The following ZBTB17 variants were observed in gnomAD, a reference collection of about 807,000 sequenced individuals.
ZBTB17 encodes the protein zinc finger and BTB domain containing 17, also known as zinc finger and BTB domain-containing protein 17.
In ZBTB17, 24 loss-of-function variants were observed where a neutral mutation model predicts 85.1. The ratio of observed to expected loss-of-function variants is 0.28; its 90% CI spans 0.20 to 0.40. The LOEUF (loss-of-function observed/expected upper bound fraction) is 0.40, where lower values mean the gene tolerates loss of function less well. Ranked by LOEUF, ZBTB17 falls within the 10% of genes least tolerant of loss-of-function variation. The pLI is 1.00. For missense variants in ZBTB17, 743 were observed against 1,105.1 expected, an observed-to-expected ratio of 0.67 and a Z score of 4.65; for synonymous variants, 464 against 460.2, an observed-to-expected ratio of 1.01 and a Z score of -0.11.
chr1:15,963,798 T>A (rs1239085781), intron 2 of ZBTB17, among the ~76,000 whole-genome samples: 2 of 152,114 alleles, frequency 1.3e-5, no homozygotes, highest in African/African-American at 4.8e-5. Flanking sequence ...AATGCTGAAC[T>A]AATGATGCTC....
intron 2 of ZBTB17, among the ~76,000 whole-genome samples, chr1:15,950,020 G>A (rs986267239): frequency 6.6e-6 from 1 of 152,228 alleles, no homozygotes; most frequent in African/African-American, 2.4e-5. Flanking sequence ...ACACATCCCC[G>A]CGCAGGCTTT....
At position 15,947,050 on chromosome 1, in the gene ZBTB17, C is replaced by G. The variant is rs2071639388; in HGVS notation, c.279G>C (p.Leu93=). 1.2e-6 allele frequency: 2 copies of G among 1,613,986 alleles called. No homozygotes were observed. The highest frequency in any genetic ancestry group is 1.7e-6 in the Non-Finnish European group (2 of 1,180,030). ...GCATTTGGAGGAAAGTGGCCACGGCCAGCACATCATCCACGTTCTCAGGGC... is the reference window on the plus strand; with the variant it reads ...GCATTTGGAGGAAAGTGGCCACGGCGAGCACATCATCCACGTTCTCAGGGC... ...SLSPENVDDV[L]AVATFLQMQD... is the part of the protein sequence containing the mutation. The change falls in exon 4 of 16, where the codon CTG becomes CTC. Residue 93 remains leucine, a synonymous_variant. Coordinates refer to ENST00000375743, the MANE Select transcript of ZBTB17 (RefSeq NM_003443.3).
chr1:15,946,378 T>A lies in ZBTB17; in HGVS notation c.395-84A>T, dbSNP rs2071614697. On this transcript the variant is annotated intron_variant, in intron 4 of 15. Transcript: ENST00000375743. ...GTGAGGTGGCCCAGAACTTGCTAGG[T>A]CTTCCTCGTCCTCCCTAGGGTACCT... 3 of 1,552,840 alleles carry A rather than the reference T, an allele frequency of 1.9e-6. No homozygotes were observed. The South Asian group carries it at 3.6e-5, about 19-fold the overall frequency.
rs890282146 is a variant in ZBTB17 at position 15,944,259 on chromosome 1, C to T, written c.1371+41G>A. The T allele has an allele frequency of 9.1e-6, 14 of 1,546,904 alleles. No individual in the cohort carries two copies. The African/African-American group carries it at 1.8e-4, about 20-fold the overall frequency. On this transcript the variant is annotated intron_variant, in intron 9 of 15. Transcript: ENST00000375743. ...GTGGCATGCATGCGGCTGCGGCCACCGGCGGCTGCCAGGCGCTGGTTCCGG... is the reference window on the plus strand; with the variant it reads ...GTGGCATGCATGCGGCTGCGGCCACTGGCGGCTGCCAGGCGCTGGTTCCGG...
chr1:15,944,182 A>G, intron 9 of ZBTB17, 118 bp downstream of exon 9: 9 of 1,388,618 alleles, frequency 6.5e-6, no homozygotes, highest in Non-Finnish European at 8.8e-6. Flanking sequence ...CTGGGTGAAC[A>G]AGCTGATGAG....
At chr1:15,949,142 C>T (rs1177440402) in intron 2 of ZBTB17, among the ~76,000 whole-genome samples, 1 of 152,142 alleles carries the variant, frequency 6.6e-6, no homozygotes, top group Non-Finnish European at 1.5e-5. Context: ...AACCTGTGTC[C>T]TGGTGGCCAT....
intron 2 of ZBTB17, among the ~76,000 whole-genome samples, chr1:15,948,879 C>A (rs536569135): frequency 6.6e-6 from 1 of 152,316 alleles, no homozygotes; most frequent in Admixed American, 6.5e-5. Flanking sequence ...ACATTTGTTA[C>A]AAAAAGAATG....
intron 2 of ZBTB17, among the ~76,000 whole-genome samples, chr1:15,961,204 A>G (rs2148797840): frequency 6.6e-6 from 1 of 152,376 alleles, no homozygotes; most frequent in South Asian, 2.1e-4. Context: ...TAACAGATAC[A>G]GTGTGACAAT....
intron 2 of ZBTB17, among the ~76,000 whole-genome samples, chr1:15,967,023 G>A (rs1557795103): frequency 6.6e-6 from 1 of 151,958 alleles, no homozygotes. Context: ...TGTATTTGGA[G>A]TTTTTTGTTT....
At chr1:15,943,334 G>C in intron 12 of ZBTB17, 65 bp downstream of exon 12, 1 of 1,582,430 alleles carries the variant, frequency 6.3e-7, no homozygotes, top group Admixed American at 1.7e-5. Flanking sequence ...CAAGCCCCCA[G>C]TTTGTCTTCT....
intron 2 of ZBTB17, among the ~76,000 whole-genome samples, chr1:15,956,413 C>T (rs536571974): frequency 9.1e-4 from 139 of 152,318 alleles, no homozygotes; most frequent in African/African-American, 3.2e-3. Context: ...TTGAGAATGA[C>T]TAACACAATG....
At chr1:15,950,662 C>T (rs943294321) in intron 2 of ZBTB17, among the ~76,000 whole-genome samples, 2 of 152,176 alleles carry the variant, frequency 1.3e-5, no homozygotes, top group Admixed American at 6.5e-5. Flanking sequence ...CTCACCTTCC[C>T]CAGGAGCCAA....
chr1:15,950,391 G>A (rs1402798150), intron 2 of ZBTB17, among the ~76,000 whole-genome samples: 1 of 152,248 alleles, frequency 6.6e-6, no homozygotes, highest in Non-Finnish European at 1.5e-5. Context: ...AAAGGCAGGG[G>A]CGAGGTGGGC....
rs2071537138 is a variant in ZBTB17, at chr1:15,945,039, G to A, written c.825C>T (p.Asp275=). 1.2e-6 allele frequency: 2 copies of A among 1,609,276 alleles called. No individual in the cohort carries two copies. Among genetic ancestry groups the A allele is most frequent in the Admixed American group, 3.4e-5 (2 of 59,610 alleles). Residue 275 remains aspartate (D), a synonymous_variant, in exon 7 of 16, where the codon GAC becomes GAT. Transcript: ENST00000375743. ...ENENEESAGT[D]SGQELGSEAR... ...CCTCGGAGCCGAGCTCCTGCCCCGA[G>A]TCTGTGCCCGCTGACTCCTCATTCT...
rs373087442 is a variant in ZBTB17 at position 15,945,812 on chromosome 1, C to T, written c.564G>A (p.Ala188=). The T allele has an allele frequency of 3.4e-5, 55 of 1,601,608 alleles. No individual in the cohort carries two copies. Among genetic ancestry groups the T allele is most frequent in the Non-Finnish European group, 4.4e-5 (52 of 1,178,354 alleles). ...SGAEQTEKAD[A]PREPPPVELK... Reference sequence around the variant, plus strand: ...GCTCCACAGGCGGCGGCTCCCGGGGCGCATCGGCTTTCTCTGTCTGCTCTG... The same window carrying T: ...GCTCCACAGGCGGCGGCTCCCGGGGTGCATCGGCTTTCTCTGTCTGCTCTG... Residue 188 remains alanine (A), a synonymous_variant, in exon 6 of 16, where the codon GCG becomes GCA. Transcript: ENST00000375743.
At chr1:15,947,958 C>T (rs2071681649) in intron 3 of ZBTB17, among the ~76,000 whole-genome samples, 1 of 152,182 alleles carries the variant, frequency 6.6e-6, no homozygotes, top group South Asian at 2.1e-4. Context: ...GTAGATGCTT[C>T]AGGACTGACT....
intron 3 of ZBTB17, chr1:15,948,006 T>G (rs142820236): frequency 2.0e-6 from 1 of 503,792 alleles, no homozygotes; most frequent in African/African-American, 1.9e-5. Context: ...AGAGCCTGCC[T>G]ACTCTCTGCC....
Position 15,952,428 on chromosome 1 carries a change from C to T in ZBTB17, c.-2-3931G>A, listed in dbSNP as rs1340197144. On this transcript the variant is annotated intron_variant, in intron 2 of 15. Coordinates refer to ENST00000375743, the MANE Select transcript of ZBTB17 (RefSeq NM_003443.3). This position sits in a 1 kb window ranked among gnomAD's most constrained non-coding sequence, Gnocchi z 4.3. ...GCACACTGACACAGCGGAACAGACG[C>T]GGCAGAACCGACACGGCGGAACGGA... 6.6e-6 allele frequency among the ~76,000 whole-genome samples: 1 copy of T among 152,232 alleles called. No homozygotes were observed. The highest frequency in any genetic ancestry group is 2.1e-4 in the South Asian group (1 of 4,828).
chr1:15,942,937 C>T, intron 13 of ZBTB17, 127 bp downstream of exon 13: 1 of 1,462,566 alleles, frequency 6.8e-7, no homozygotes, highest in Non-Finnish European at 9.2e-7. Flanking sequence ...ACAGAACTGC[C>T]TTCAAGGCCA....
Sources: allele counts gnomAD v4.1 joint callset (sites outside exome capture counted in the v4.1 genomes callset), GRCh38; gene constraint gnomAD v4.1.1; non-coding constraint Gnocchi (gnomAD v3.1); transcripts MANE v1.5; gene names NCBI Gene and HGNC (gene_info 2026-07-23, HGNC 2026-07-21).